The following HMCN1 variants were observed in gnomAD, a reference collection of about 807,000 sequenced individuals.
The protein encoded by HMCN1 is hemicentin 1.
In HMCN1, 321 loss-of-function variants were observed where a neutral mutation model predicts 625.9. The observed-to-expected ratio is 0.51, with a 90% confidence interval of 0.47 to 0.56. The LOEUF (loss-of-function observed/expected upper bound fraction) is 0.56, where lower values mean the gene tolerates loss of function less well. Among genes scored for constraint, HMCN1 ranks in the 20% least tolerant of loss-of-function variants. HMCN1 has a pLI of 0.00. For synonymous variants in HMCN1, 2,425 were observed against 2,417.6 expected (o/e 1.00, Z -0.09); for missense variants, 6,588 against 6,887.3 (o/e 0.96, Z 1.54).
intron 1 of HMCN1, among the ~76,000 whole-genome samples, chr1:185,825,139 A>G (rs930042752): frequency 2.0e-5 from 3 of 152,160 alleles, no homozygotes; most frequent in Non-Finnish European, 4.4e-5. Flanking sequence ...GAACTATGCT[A>G]GTTGTTTACA....
chr1:186,020,413 T>A (rs959231080), intron 35 of HMCN1, among the ~76,000 whole-genome samples: 3 of 152,190 alleles, frequency 2.0e-5, no homozygotes, highest in Admixed American at 2.0e-4. Flanking sequence ...TGTTCCTTTT[T>A]TAGTAGACGT....
At position 185,911,737 on chromosome 1, in the gene HMCN1, T is replaced by C. The variant is rs771311047; in HGVS notation, c.857T>C (p.Val286Ala). 2 of 1,613,488 alleles carry C rather than the reference T, an allele frequency of 1.2e-6. No homozygotes were observed. Among genetic ancestry groups the C allele is most frequent in the Non-Finnish European group, 1.7e-6 (2 of 1,179,562 alleles). Residue 286 changes from valine (V) to alanine (A), a missense_variant, in exon 6 of 107, where the codon GTA (valine) becomes GCA (alanine). This residue lies in a region of HMCN1 where 4,628 missense variants were observed against 4,853.1 expected (regional missense o/e 0.95). Transcript: ENST00000271588. ...ELLNIHNSAK[V>A]VNVKEPEAGM... ...TTAAATATCCATAACTCTGCCAAAG[T>C]AGTGAATGTGAAAGAGCCAGAGGCT...
intron 97 of HMCN1, among the ~76,000 whole-genome samples, chr1:186,162,247 G>C (rs140000869): frequency 1.3e-5 from 2 of 152,060 alleles, no homozygotes; most frequent in East Asian, 3.9e-4. Context: ...CGTAGTTCTC[G>C]AGCCTTGGCT....
chr1:185,882,106 CT>C (rs1241292915), intron 4 of HMCN1, among the ~76,000 whole-genome samples: 1 of 152,032 alleles, frequency 6.6e-6, no homozygotes, highest in South Asian at 2.1e-4. Context: ...GAGTTAATGA[CT>C]TTTTTTGAGA....
rs1271906896 is a variant in HMCN1 at position 186,178,540 on chromosome 1, A to C, written c.16068A>C (p.Gly5356=). The part of the protein sequence containing the change: ...HLLGDGKSCA[G]LERLPNYGTQ... ...TAGGGGACGGGAAATCTTGCGCTGG[A>C]TTGGAGAGGCTGCCAAATTATGGCA... Residue 5356 remains glycine (G), a synonymous_variant, in exon 104 of 107, where the codon GGA becomes GGC. Transcript: ENST00000271588. 4.3e-6 allele frequency: 7 copies of C among 1,613,978 alleles called. No individual in the cohort carries two copies. Among genetic ancestry groups the C allele is most frequent in the Non-Finnish European group, 5.1e-6 (6 of 1,179,988 alleles).
intron 1 of HMCN1, among the ~76,000 whole-genome samples, chr1:185,785,278 C>T (rs1657482857): frequency 6.6e-6 from 1 of 152,162 alleles, no homozygotes; most frequent in Admixed American, 6.5e-5. Flanking sequence ...TTTGTCCATT[C>T]ACCTCTCTTC....
Position 186,007,148 on chromosome 1 carries a change from C to T in HMCN1, c.4496C>T (p.Pro1499Leu). 1 of 1,612,656 alleles carries T rather than the reference C, an allele frequency of 6.2e-7. No individual in the cohort carries two copies. The highest frequency in any genetic ancestry group is 1.1e-5 in the South Asian group (1 of 91,022). Residue 1499 changes from proline (P) to leucine (L), a missense_variant, in exon 30 of 107, where the codon CCT becomes CTT. This residue lies in a region of HMCN1 where 4,628 missense variants were observed against 4,853.1 expected (regional missense o/e 0.95). Transcript: ENST00000271588. Reference sequence around the variant, plus strand: ...TCTAGGCCTTTATTTTTGGGCGATCCTAATGTTGAACTTCTAGACAGAGGA... The same window carrying T: ...TCTAGGCCTTTATTTTTGGGCGATCTTAATGTTGAACTTCTAGACAGAGGA... ...KDGKPLFLGD[P>L]NVELLDRGQV... is the part of the protein sequence containing the mutation.
chr1:185,745,352 C>G (rs2102078287), intron 1 of HMCN1, among the ~76,000 whole-genome samples: 1 of 152,300 alleles, frequency 6.6e-6, no homozygotes, highest in South Asian at 2.1e-4. Context: ...AGCAGTCTTT[C>G]TAACTGTGGT....
intron 6 of HMCN1, among the ~76,000 whole-genome samples, chr1:185,917,752 C>T (rs541894213): frequency 6.6e-6 from 1 of 152,288 alleles, no homozygotes; most frequent in African/African-American, 2.4e-5. Flanking sequence ...TTTAACAGGC[C>T]TTCTTCGCCT....
At chr1:185,743,982 GTTTTTTT>G (rs1214723950) in intron 1 of HMCN1, among the ~76,000 whole-genome samples, 1 of 88,140 alleles carries the variant, frequency 1.1e-5, no homozygotes, top group Non-Finnish European at 2.2e-5. Context: ...TTACTGTTTT[GTTTTTTT>G]TTTTTTTTTT....
At position 186,093,239 on chromosome 1, in the gene HMCN1, T is replaced by C. The variant is rs769330412; in HGVS notation, c.9993T>C (p.Ile3331=). Residue 3331 remains isoleucine, a synonymous_variant, in exon 65 of 107, where the codon ATT becomes ATC. Coordinates refer to ENST00000271588, the MANE Select transcript of HMCN1 (RefSeq NM_031935.3). ...ATNPAGEEDR[I]FNLNVYVTPT... Reference sequence around the variant, plus strand: ...ATCCCGCTGGAGAAGAAGACCGAATTTTTAACTTGAATGTCTATGGTAAAT... The same window carrying C: ...ATCCCGCTGGAGAAGAAGACCGAATCTTTAACTTGAATGTCTATGGTAAAT... 6.2e-7 allele frequency: 1 copy of C among 1,613,346 alleles called. No homozygotes were observed. Among genetic ancestry groups the C allele is most frequent in the Non-Finnish European group, 8.5e-7 (1 of 1,179,572 alleles).
chr1:186,068,209 T>G (rs1658249026), intron 50 of HMCN1, among the ~76,000 whole-genome samples: 1 of 152,028 alleles, frequency 6.6e-6, no homozygotes, highest in Non-Finnish European at 1.5e-5. Context: ...GTACTGAAAA[T>G]TACTTTTTAA....
At chr1:186,117,733 C>T in intron 77 of HMCN1, 110 bp downstream of exon 77, 1 of 1,067,196 alleles carries the variant, frequency 9.4e-7, no homozygotes, top group Non-Finnish European at 1.4e-6. Flanking sequence ...TGCATGCATT[C>T]TTGAACTTAA....
intron 16 of HMCN1, among the ~76,000 whole-genome samples, chr1:185,978,742 A>G (rs1022180785): frequency 1.3e-5 from 2 of 152,048 alleles, no homozygotes; most frequent in African/African-American, 4.8e-5. Flanking sequence ...GTGCAGTGGC[A>G]TGAACTTGGC....
intron 2 of HMCN1, among the ~76,000 whole-genome samples, chr1:185,858,632 T>TTTTTTTTTTTTTG (rs1558020125): frequency 2.5e-5 from 3 of 120,966 alleles, no homozygotes; most frequent in African/African-American, 9.8e-5. Flanking sequence ...TTTTTTTTTT[T>TTTTTTTTTTTTTG]TAGAGACGGG....
rs573344713 is a variant in HMCN1 at position 185,817,662 on chromosome 1, G to A, written c.269-28364G>A. 1.8e-4 allele frequency among the ~76,000 whole-genome samples: 28 copies of A among 152,244 alleles called. No homozygotes were observed. The Middle Eastern group carries it at 0.01, about 55-fold the overall frequency. On this transcript the variant is annotated intron_variant, in intron 1 of 106. Transcript: ENST00000271588. ...TTATTACATAGTTTCAAGAATTGTT[G>A]ATTTGATTGTTTTTAGCATTAAATT...
At chr1:186,182,657 T>A (rs1444963903) in intron 105 of HMCN1, among the ~76,000 whole-genome samples, 1 of 152,226 alleles carries the variant, frequency 6.6e-6, no homozygotes, top group Admixed American at 6.5e-5. Flanking sequence ...GTGTTAGATA[T>A]TATTTTATAT....
intron 1 of HMCN1, among the ~76,000 whole-genome samples, chr1:185,774,360 C>T (rs1308050694): frequency 6.6e-6 from 1 of 152,076 alleles, no homozygotes; most frequent in African/African-American, 2.4e-5. Flanking sequence ...ACTCTAACAC[C>T]AGTTTATCTA....
chr1:185,973,720 C>A (rs954112863), intron 15 of HMCN1, among the ~76,000 whole-genome samples: 1 of 151,948 alleles, frequency 6.6e-6, no homozygotes, highest in Non-Finnish European at 1.5e-5. Flanking sequence ...GGGAAAGTTA[C>A]CAATGATTTT....
Sources: allele counts gnomAD v4.1 joint callset (sites outside exome capture counted in the v4.1 genomes callset), GRCh38; gene constraint gnomAD v4.1.1; regional missense constraint gnomAD v4.1.1; transcripts MANE v1.5; gene names NCBI Gene and HGNC (gene_info 2026-07-23, HGNC 2026-07-21).